The following NCKAP5 variants were observed in gnomAD, a reference collection of about 807,000 sequenced individuals.
The protein encoded by NCKAP5 is NCK associated protein 5, also known as nck-associated protein 5.
NCKAP5 carries 92 observed loss-of-function variants against 167.0 expected under a neutral mutation model. That is an observed-to-expected ratio of 0.55 (90% confidence interval 0.47 to 0.66). The LOEUF is 0.66. Ranked by LOEUF, NCKAP5 falls within the 30% of genes least tolerant of loss-of-function variation. The pLI is 0.00. For synonymous variants in NCKAP5, 891 were observed against 877.4 expected, an observed-to-expected ratio of 1.02 and a Z score of -0.27; for missense variants, 2,378 against 2,315.0, an observed-to-expected ratio of 1.03 and a Z score of -0.56.
chr2:133,618,585 C>A, the NCKAP5 span, among the ~76,000 whole-genome samples: 1 of 151,616 alleles, frequency 6.6e-6, no homozygotes, highest in Non-Finnish European at 1.5e-5. Context: ...CAGAGAAATG[C>A]AAATCAAAAC....
In NCKAP5 at chr2:132,833,031, CACA is replaced by C. The variant is rs547396182; in HGVS notation, c.807+27458_807+27460del. 2.6e-4 allele frequency among the ~76,000 whole-genome samples: 40 copies of C among 152,222 alleles called. No individual in the cohort carries two copies. The South Asian group carries it at 8.1e-3, about 31-fold the overall frequency. ...AGCATTCCTTTTTCTCTGCATCCTT[CACA>C]ACATCCATTCTTTTGCCTTATTAAT... On this transcript the variant is annotated intron_variant, in intron 11 of 19. Coordinates refer to ENST00000409261, the MANE Select transcript of NCKAP5 (RefSeq NM_207363.3).
At chr2:133,276,672 A>C (rs2089743381) in intron 4 of NCKAP5, among the ~76,000 whole-genome samples, 1 of 152,114 alleles carries the variant, frequency 6.6e-6, no homozygotes, top group Non-Finnish European at 1.5e-5. Context: ...AATGAAGAAA[A>C]ACTTTCTAAT....
intron 8 of NCKAP5, among the ~76,000 whole-genome samples, chr2:132,883,379 C>T (rs1574509207): frequency 6.6e-6 from 1 of 152,114 alleles, no homozygotes; most frequent in Admixed American, 6.6e-5. Context: ...AGGCTTCTTC[C>T]ACCTTTGCCC....
intron 6 of NCKAP5, among the ~76,000 whole-genome samples, chr2:133,094,180 A>G (rs1340915763): frequency 6.6e-6 from 1 of 152,190 alleles, no homozygotes; most frequent in Non-Finnish European, 1.5e-5. Flanking sequence ...GGATAATACC[A>G]TGAAGAATTA....
In NCKAP5 at chr2:133,180,774, A is replaced by G. The variant is rs115040278; in HGVS notation, c.207+32942T>C. On this transcript the variant is annotated intron_variant, in intron 5 of 19. Coordinates refer to ENST00000409261, the MANE Select transcript of NCKAP5 (RefSeq NM_207363.3). ...GAAAATATAGGGGAAAAGTTCCTTGATATTGGTTTGGCAACAATGTTTTTA... is the reference window on the plus strand; with the variant it reads ...GAAAATATAGGGGAAAAGTTCCTTGGTATTGGTTTGGCAACAATGTTTTTA... Among the ~76,000 whole-genome samples, 821 of 152,320 alleles carry G rather than the reference A, an allele frequency of 5.4e-3. 7 individuals carry two copies. Among genetic ancestry groups the G allele is most frequent in the African/African-American group, 0.019 (790 of 41,562 alleles).
intron 6 of NCKAP5, among the ~76,000 whole-genome samples, chr2:133,092,364 C>T (rs768753972): frequency 3.3e-5 from 5 of 152,198 alleles, no homozygotes; most frequent in South Asian, 2.1e-4. Context: ...TAAGGATTGC[C>T]GGTAACACCA....
chr2:133,087,339 TA>T (rs2149617056), intron 6 of NCKAP5, among the ~76,000 whole-genome samples: 1 of 152,254 alleles, frequency 6.6e-6, no homozygotes, highest in East Asian at 1.9e-4. Flanking sequence ...AAGAACAGTC[TA>T]AAAAAATTGC....
chr2:133,316,641 T>A (rs920568352), intron 3 of NCKAP5, among the ~76,000 whole-genome samples: 42 of 152,192 alleles, frequency 2.8e-4, no homozygotes, highest in Non-Finnish European at 3.8e-4. Flanking sequence ...TTCTTACTTA[T>A]GGGCACTGAA....
chr2:133,199,947 AC>A (rs1421629686), intron 5 of NCKAP5, among the ~76,000 whole-genome samples: 3 of 151,840 alleles, frequency 2.0e-5, no homozygotes, highest in Non-Finnish European at 4.4e-5. Flanking sequence ...ATTAAGACAC[AC>A]AAAAAAGCAT....
intron 8 of NCKAP5, among the ~76,000 whole-genome samples, chr2:132,903,865 G>A (rs767439752): frequency 3.9e-5 from 6 of 152,066 alleles, no homozygotes; most frequent in Admixed American, 6.5e-5. Flanking sequence ...CAACCCACAC[G>A]TAATTACCAT....
intron 2 of NCKAP5, among the ~76,000 whole-genome samples, chr2:133,553,168 G>A (rs886572920): frequency 1.3e-5 from 2 of 152,176 alleles, no homozygotes; most frequent in African/African-American, 2.4e-5. Context: ...TAAAACTATG[G>A]TCAAGATAAA....
At chr2:133,156,850 G>C (rs2083595368) in intron 5 of NCKAP5, among the ~76,000 whole-genome samples, 2 of 152,086 alleles carry the variant, frequency 1.3e-5, no homozygotes, top group Admixed American at 6.6e-5. Flanking sequence ...ACATGAGCCA[G>C]ATTTTTTAGG....
chr2:133,347,178 T>G (rs1684035021), intron 3 of NCKAP5, among the ~76,000 whole-genome samples: 1 of 152,216 alleles, frequency 6.6e-6, no homozygotes, highest in Non-Finnish European at 1.5e-5. Context: ...TTTTTTCTCT[T>G]TATTCTTTTT....
intron 5 of NCKAP5, among the ~76,000 whole-genome samples, chr2:133,139,481 A>G (rs1324542540): frequency 1.3e-5 from 2 of 152,228 alleles, no homozygotes; most frequent in Non-Finnish European, 2.9e-5. Flanking sequence ...TTTGGGTTAA[A>G]GAGAGCCAGG....
At chr2:133,587,110 C>T in the NCKAP5 span, among the ~76,000 whole-genome samples, 2 of 152,174 alleles carry the variant, frequency 1.3e-5, no homozygotes, top group Admixed American at 6.5e-5. Context: ...CACCTTTTCC[C>T]TTCATAAAGC....
intron 2 of NCKAP5, among the ~76,000 whole-genome samples, chr2:133,518,116 T>C (rs2104754744): frequency 6.6e-6 from 1 of 152,312 alleles, no homozygotes; most frequent in South Asian, 2.1e-4. Flanking sequence ...ATAGATTGAT[T>C]CAAAATGAAT....
rs536617987 is a variant in NCKAP5 at position 132,784,896 on chromosome 2, G to A, written c.1915C>T (p.Pro639Ser). ...TTTGGCCTAGTCTCTGAAGGGATGG[G>A]CACTTGTTTTTCCTCCTCTTCAGGA... ...GSPEEEEKQV[P>S]IPSETRPKTF... The change falls in exon 14 of 20, where the codon CCC becomes TCC. Residue 639 changes from proline (P) to serine (S), a missense_variant. Pro to Ser is a moderately conservative substitution (Grantham distance 74, BLOSUM62 -1). Transcript: ENST00000409261. The A allele has an allele frequency of 4.5e-5, 70 of 1,568,160 alleles. No individual in the cohort carries two copies. Among genetic ancestry groups the A allele is most frequent in the Non-Finnish European group, 5.5e-5 (64 of 1,158,418 alleles).
At chr2:132,859,502 C>T (rs1250928995) in intron 11 of NCKAP5, among the ~76,000 whole-genome samples, 1 of 152,120 alleles carries the variant, frequency 6.6e-6, no homozygotes. Flanking sequence ...GGAAATGTGG[C>T]TAGTTGGACA....
At chr2:132,910,979 C>G in intron 8 of NCKAP5, 1 of 164,784 alleles carries the variant, frequency 6.1e-6, no homozygotes, top group Non-Finnish European at 1.3e-5. Flanking sequence ...CAAATGGATG[C>G]CACATCTCTT....
Sources: gnomAD v4.1 joint callset for allele counts (sites outside exome capture counted in the v4.1 genomes callset) on GRCh38, gnomAD v4.1.1 for gene constraint, MANE v1.5 for transcripts, NCBI Gene and HGNC (gene_info 2026-07-23, HGNC 2026-07-21) for gene names.